Variants in PSMD7 observed in about 807,000 individuals in gnomAD.
PSMD7 encodes 26S proteasome non-ATPase regulatory subunit 7.
In PSMD7, 13 loss-of-function variants were observed where a neutral mutation model predicts 36.4. The ratio of observed to expected loss-of-function variants is 0.36; its 90% CI spans 0.23 to 0.57. The LOEUF (loss-of-function observed/expected upper bound fraction) is 0.57, where lower values mean the gene tolerates loss of function less well. PSMD7 is among the 20% of genes least tolerant of loss of function. PSMD7 has a pLI of 0.83. For synonymous variants in PSMD7, 186 were observed against 151.0 expected, an observed-to-expected ratio of 1.23 and a Z score of -1.70; for missense variants, 298 against 393.6, an observed-to-expected ratio of 0.76 and a Z score of 2.06.
intron 5 of PSMD7, chr16:74,304,074 C>A: frequency 2.5e-6 from 1 of 403,066 alleles, no homozygotes; most frequent in Non-Finnish European, 4.6e-6. Flanking sequence ...CCAGATTTTT[C>A]TCAACGCACA....
At chr16:74,300,966 C>A in intron 2 of PSMD7, 86 bp from the exon 3 acceptor site, 1 of 699,096 alleles carries the variant, frequency 1.4e-6, no homozygotes. Flanking sequence ...GTAAGTGAAT[C>A]AGAACTGGCC....
At chr16:74,303,405 C>T (rs765618001) in intron 5 of PSMD7, among the ~76,000 whole-genome samples, 3 of 152,194 alleles carry the variant, frequency 2.0e-5, no homozygotes, top group Non-Finnish European at 4.4e-5. Flanking sequence ...TGTACTCTTA[C>T]CACTATGCTG....
chr16:74,298,615 C>A (rs1382186178), intron 1 of PSMD7, among the ~76,000 whole-genome samples: 2 of 152,158 alleles, frequency 1.3e-5, no homozygotes, highest in Admixed American at 1.3e-4. Context: ...ATAATCCTAG[C>A]ACTTTCGGAG....
At position 74,305,785 on chromosome 16, in the gene PSMD7, A is replaced by T; in HGVS notation, c.*52A>T. 1 of 1,404,518 alleles carries T rather than the reference A, an allele frequency of 7.1e-7. No homozygotes were observed. Among genetic ancestry groups the T allele is most frequent in the South Asian group, 1.7e-5 (1 of 58,400 alleles). 87.0% of individuals were successfully genotyped at this position (1,404,518 alleles called of 1,614,324 possible). ...TTGTAAATTAAAATCTTACAAACTA[A>T]ATCAGTGTGCTGCTAGAGGGTTCTT... On this transcript the variant is annotated 3_prime_UTR_variant, in exon 7 of 7. Transcript: ENST00000219313.
At chr16:74,304,455 AGAGGTCT>A in intron 6 of PSMD7, 61 bp downstream of exon 6, 1 of 1,479,852 alleles carries the variant, frequency 6.8e-7, no homozygotes, top group Non-Finnish European at 9.4e-7. Context: ...AGTGTAAGGA[AGAGGTCT>A]GTGTCGGGAA....
At chr16:74,302,750 C>A (rs1480162689) in intron 5 of PSMD7, among the ~76,000 whole-genome samples, 2 of 152,182 alleles carry the variant, frequency 1.3e-5, no homozygotes, top group African/African-American at 2.4e-5. Flanking sequence ...CCCCAAAAAA[C>A]CAAGAAATCC....
intron 6 of PSMD7, 152 bp from the exon 7 acceptor site, chr16:74,305,137 C>T (rs924828116): frequency 3.2e-5 from 32 of 990,420 alleles, no homozygotes; most frequent in South Asian, 1.1e-4. Flanking sequence ...TAATTGATAA[C>T]GAAATCTTTA....
rs939077901 is a variant in PSMD7 at position 74,305,998 on chromosome 16, G to C, written c.*265G>C. 3.0e-5 allele frequency: 9 copies of C among 296,238 alleles called. No homozygotes were observed. The highest frequency in any genetic ancestry group is 1.7e-4 in the African/African-American group (8 of 46,602). 18.4% of individuals were successfully genotyped at this position (296,238 alleles called of 1,614,324 possible). ...GATTGTATGAGAAAAATGAAGAGAAGTCAACAAATATTTTGGTACTCTTCA... is the reference window on the plus strand; with the variant it reads ...GATTGTATGAGAAAAATGAAGAGAACTCAACAAATATTTTGGTACTCTTCA... On this transcript the variant is annotated 3_prime_UTR_variant, in exon 7 of 7. Coordinates refer to ENST00000219313, the MANE Select transcript of PSMD7 (RefSeq NM_002811.5).
At chr16:74,299,971 C>A in intron 1 of PSMD7, 144 bp from the exon 2 acceptor site, 1 of 717,174 alleles carries the variant, frequency 1.4e-6, no homozygotes, top group South Asian at 1.7e-5. Context: ...ATCAACCTAA[C>A]CCTATTACAT....
chr16:74,298,505 A>G (rs1023347244), intron 1 of PSMD7, among the ~76,000 whole-genome samples: 2 of 152,118 alleles, frequency 1.3e-5, no homozygotes, highest in African/African-American at 4.8e-5. Context: ...AGGAATTACT[A>G]TTTTTCTCCC....
In PSMD7 at chr16:74,296,875, T is replaced by A. The variant is rs1176370525; in HGVS notation, c.-40T>A. 1 of 1,607,768 alleles carries A rather than the reference T, an allele frequency of 6.2e-7. No homozygotes were observed. Among genetic ancestry groups the A allele is most frequent in the Non-Finnish European group, 8.5e-7 (1 of 1,176,828 alleles). On this transcript the variant is annotated 5_prime_UTR_variant, in exon 1 of 7. Transcript: ENST00000219313. ...ACCGCTACTGCTGCCGGTGTTTGCGTGTGGCAGGGAGCCAGGCCTGGCGAG... is the reference window on the plus strand; with the variant it reads ...ACCGCTACTGCTGCCGGTGTTTGCGAGTGGCAGGGAGCCAGGCCTGGCGAG...
At chr16:74,301,849 C>T (rs1472458062) in intron 4 of PSMD7, among the ~76,000 whole-genome samples, 197 bp downstream of exon 4, 1 of 151,930 alleles carries the variant, frequency 6.6e-6, no homozygotes, top group East Asian at 1.9e-4. Context: ...CTGCTAAGTA[C>T]CAGGTGTATG....
chr16:74,301,238 C>T (rs930739763), intron 3 of PSMD7, 94 bp downstream of exon 3: 1 of 747,768 alleles, frequency 1.3e-6, no homozygotes, highest in African/African-American at 1.8e-5. Flanking sequence ...AGGGCCCTTT[C>T]ACTTAGCTAC....
Position 74,304,345 on chromosome 16 carries a change from G to C in PSMD7, c.481G>C (p.Glu161Gln). 6.2e-7 allele frequency: 1 copy of C among 1,614,192 alleles called. No homozygotes were observed. Among genetic ancestry groups the C allele is most frequent in the Non-Finnish European group, 8.5e-7 (1 of 1,180,010 alleles). ...TSKTFEHVTS[E>Q]IGAEEAEEVG... is the part of the protein sequence containing the mutation. ...GAAAACATTTGAACACGTGACCAGTGAAATTGGAGCAGAGGAAGCTGAGGA... is the reference window on the plus strand; with the variant it reads ...GAAAACATTTGAACACGTGACCAGTCAAATTGGAGCAGAGGAAGCTGAGGA... Residue 161 changes from glutamate to glutamine, a missense_variant, in exon 6 of 7, where the codon GAA becomes CAA. Physicochemically the swap from Glu to Gln is conservative, Grantham distance 29. Coordinates refer to ENST00000219313, the MANE Select transcript of PSMD7 (RefSeq NM_002811.5).
intron 2 of PSMD7, 43 bp from the exon 3 acceptor site, chr16:74,301,009 T>C (rs770445982): frequency 2.4e-6 from 3 of 1,235,404 alleles, no homozygotes; most frequent in African/African-American, 3.0e-5. Context: ...GTGTTCTAGG[T>C]TTCTATCAAG....
chr16:74,304,485 G>C, intron 6 of PSMD7, 91 bp downstream of exon 6: 1 of 1,163,578 alleles, frequency 8.6e-7, no homozygotes, highest in Non-Finnish European at 1.3e-6. Flanking sequence ...TGGAGACCTG[G>C]GGTCTCGTCC....
chr16:74,298,156 CAAAAAAAAAA>C (rs75614540), intron 1 of PSMD7, among the ~76,000 whole-genome samples: 1 of 72,754 alleles, frequency 1.4e-5, no homozygotes, highest in South Asian at 4.9e-4. Context: ...ACCCTGTCTC[CAAAAAAAAAA>C]AAAAAAAAAA....
Position 74,304,358 on chromosome 16 carries a change from A to G in PSMD7, c.494A>G (p.Glu165Gly). Residue 165 changes from glutamate to glycine, a missense_variant, in exon 6 of 7, where the codon GAG becomes GGG. Transcript: ENST00000219313. The stretch of plus-strand genomic sequence containing the variant: ...CACGTGACCAGTGAAATTGGAGCAG[A>G]GGAAGCTGAGGAAGTTGGAGTTGAA... ...FEHVTSEIGA[E>G]EAEEVGVEHL... is the part of the protein sequence containing the mutation. The G allele has an allele frequency of 1.2e-6, 2 of 1,614,202 alleles. No individual in the cohort carries two copies. The highest frequency in any genetic ancestry group is 1.7e-6 in the Non-Finnish European group (2 of 1,180,008).
Position 74,301,662 on chromosome 16 carries a change from G to T in PSMD7, c.357+10G>T. ...ATACTGTCCTAATTCCGTAAGTGGT[G>T]TCTATTTTTAAAACTCTTGAATGAT... On this transcript the variant is annotated intron_variant, in intron 4 of 6. Transcript: ENST00000219313. 1 of 1,598,440 alleles carries T rather than the reference G, an allele frequency of 6.3e-7. No homozygotes were observed. The highest frequency in any genetic ancestry group is 8.6e-7 in the Non-Finnish European group (1 of 1,167,606).
Sources: gnomAD v4.1 joint callset for allele counts (sites outside exome capture counted in the v4.1 genomes callset) on GRCh38, gnomAD v4.1.1 for gene constraint, MANE v1.5 for transcripts, NCBI Gene and HGNC (gene_info 2026-07-23, HGNC 2026-07-21) for gene names.